GOLGA3: variants seen among roughly 807,000 people sequenced by gnomAD.
GOLGA3 encodes the protein golgin A3, also known as golgin subfamily A member 3.
GOLGA3 carries 75 observed loss-of-function variants against 169.4 expected under a neutral mutation model. The ratio of observed to expected loss-of-function variants is 0.44; its 90% CI spans 0.37 to 0.54. The LOEUF (loss-of-function observed/expected upper bound fraction) is 0.54, where lower values mean the gene tolerates loss of function less well. Among genes scored for constraint, GOLGA3 ranks in the 20% least tolerant of loss-of-function variants. The pLI is 0.00. For synonymous variants in GOLGA3, 824 were observed against 822.4 expected (o/e 1.00, Z -0.03); for missense variants, 1,899 against 1,930.0 (o/e 0.98, Z 0.30).
At chr12:132,788,655 CAA>C (rs1334862334) in intron 13 of GOLGA3, among the ~76,000 whole-genome samples, 2 of 152,194 alleles carry the variant, frequency 1.3e-5, no homozygotes, top group East Asian at 3.9e-4. Flanking sequence ...GGGGTCTCCA[CAA>C]AACACTCACC....
intron 3 of GOLGA3, among the ~76,000 whole-genome samples, chr12:132,814,087 C>T (rs1406220920): frequency 2.9e-5 from 4 of 136,122 alleles, no homozygotes; most frequent in African/African-American, 8.4e-5. Flanking sequence ...TGCAATGGTG[C>T]GATCTCGGCT....
intron 1 of GOLGA3, among the ~76,000 whole-genome samples, chr12:132,823,951 C>T (rs954046021): frequency 6.6e-5 from 10 of 152,056 alleles, no homozygotes; most frequent in African/African-American, 1.7e-4. Flanking sequence ...GGCATGGCAG[C>T]GCGTGCCTGT....
intron 1 of GOLGA3, among the ~76,000 whole-genome samples, chr12:132,824,319 T>A (rs548219175): frequency 3.4e-4 from 52 of 152,304 alleles, no homozygotes; most frequent in Non-Finnish European, 6.9e-4. Context: ...TGCTCATAAC[T>A]ATAATAATCC....
At chr12:132,773,318 A>C (rs772081477) in intron 23 of GOLGA3, 24 bp from the exon 24 acceptor site, 34 of 1,355,514 alleles carry the variant, frequency 2.5e-5, no homozygotes, top group South Asian at 1.4e-4. Context: ...AGGAGGAAGA[A>C]GGCCCAGATC....
intron 11 of GOLGA3, among the ~76,000 whole-genome samples, chr12:132,795,503 GT>G (rs1948787072): frequency 6.6e-6 from 1 of 151,978 alleles, no homozygotes; most frequent in Non-Finnish European, 1.5e-5. Flanking sequence ...GGTTCAGCCT[GT>G]AATCCCAGCA....
intron 17 of GOLGA3, among the ~76,000 whole-genome samples, chr12:132,781,283 C>T (rs564900252): frequency 2.6e-5 from 4 of 152,180 alleles, no homozygotes; most frequent in African/African-American, 9.6e-5. Context: ...AAGAATGGGC[C>T]GGGCGCGGTG....
In GOLGA3 at chr12:132,789,255, G is replaced by C; in HGVS notation, c.2583C>G (p.Ser861=). ...TCAGCTCACTGATGAGCTGGTCTTT[G>C]GAGGTGGCGTCGCGCCGGTAGGCCT... is the stretch of plus-strand genomic sequence containing the variant. ...MVEAYRRDAT[S]KDQLISELKA... The change falls in exon 13 of 24, where the codon TCC becomes TCG. Residue 861 remains serine (S), a synonymous_variant. Transcript: ENST00000450791. 6.2e-7 allele frequency: 1 copy of C among 1,605,220 alleles called. No individual in the cohort carries two copies. Among genetic ancestry groups the C allele is most frequent in the Non-Finnish European group, 8.5e-7 (1 of 1,179,270 alleles).
intron 18 of GOLGA3, among the ~76,000 whole-genome samples, chr12:132,778,063 G>C (rs1054624445): frequency 6.6e-6 from 1 of 152,234 alleles, no homozygotes; most frequent in African/African-American, 2.4e-5. Flanking sequence ...GGTCTAAATA[G>C]TTTTTATAGT....
In GOLGA3 at chr12:132,796,554, C is replaced by T; in HGVS notation, c.2085G>A (p.Glu695=). ...AGGGACTTACCTGCTCCAGCTGCTG[C>T]TCCAGGGATGCCGCCGAGTCCGCCA... ...QRMADSAASL[E]QQLEQVKLTL... Residue 695 remains glutamate, a synonymous_variant, in exon 10 of 24, where the codon GAG becomes GAA. Transcript: ENST00000450791. The T allele has an allele frequency of 6.2e-7, 1 of 1,611,316 alleles. No homozygotes were observed. The highest frequency in any genetic ancestry group is 8.5e-7 in the Non-Finnish European group (1 of 1,179,754).
At chr12:132,779,294 G>C (rs1237127368) in intron 18 of GOLGA3, among the ~76,000 whole-genome samples, 1 of 152,100 alleles carries the variant, frequency 6.6e-6, no homozygotes, top group Non-Finnish European at 1.5e-5. Context: ...GGTCAGCCTG[G>C]TCTTGAACTC....
In GOLGA3 at chr12:132,822,209, A is replaced by G; in HGVS notation, c.-81T>C. The G allele has an allele frequency of 1.3e-6, 2 of 1,512,064 alleles. No individual in the cohort carries two copies. Among genetic ancestry groups the G allele is most frequent in the East Asian group, 2.5e-5 (1 of 39,226 alleles). The allele number at this position is 1,512,064 out of a possible 1,614,324, so 93.7% of individuals were successfully genotyped here. ...AAGCTTGGCTTCTGCCATCAGCAAC[A>G]GCCAAGAGCTCCTGGGAGGGGCCCT... is the stretch of plus-strand genomic sequence containing the variant. On this transcript the variant is annotated 5_prime_UTR_variant, in exon 2 of 24. Transcript: ENST00000450791.
intron 11 of GOLGA3, 32 bp from the exon 12 acceptor site, chr12:132,791,325 G>C: frequency 2.4e-6 from 3 of 1,271,370 alleles, no homozygotes; most frequent in Non-Finnish European, 3.4e-6. Context: ...ACATTACACT[G>C]ACGGCTCCAG....
rs1405723886 is a variant in GOLGA3 at position 132,772,237 on chromosome 12, T to G, written c.*868A>C. 1.3e-5 allele frequency: 2 copies of G among 152,184 alleles called. No individual in the cohort carries two copies. Among genetic ancestry groups the G allele is most frequent in the Non-Finnish European group, 1.5e-5 (1 of 68,044 alleles). The allele number at this position is 152,184 out of a possible 1,614,324, so 9.4% of individuals were successfully genotyped here. A position where few individuals can be genotyped will look rare whatever the true frequency, so the allele number is the denominator to read the frequency against. ...AGGTTCTTCTTCAATAACATGAGCA[T>G]ATGCTTCTTAAAGACTGGGTGACAG... On this transcript the variant is annotated 3_prime_UTR_variant, in exon 24 of 24. Coordinates refer to ENST00000450791, the MANE Select transcript of GOLGA3 (RefSeq NM_001389683.1).
intron 4 of GOLGA3, among the ~76,000 whole-genome samples, chr12:132,809,099 C>A (rs543064763): frequency 1.3e-5 from 2 of 152,220 alleles, no homozygotes; most frequent in Admixed American, 6.5e-5. Context: ...ACGTGGGTCA[C>A]GTGTCCACTG....
At chr12:132,801,347 C>T (rs1316761434) in intron 8 of GOLGA3, among the ~76,000 whole-genome samples, 2 of 152,226 alleles carry the variant, frequency 1.3e-5, no homozygotes, top group Non-Finnish European at 2.9e-5. Flanking sequence ...CACCGCACGC[C>T]TGTGAGACAT....
chr12:132,782,043 C>T (rs1252806067), intron 17 of GOLGA3, among the ~76,000 whole-genome samples: 1 of 152,186 alleles, frequency 6.6e-6, no homozygotes, highest in African/African-American at 2.4e-5. Flanking sequence ...CCTGCACCAA[C>T]AGCTGGGGAC....
At chr12:132,787,577 G>GA (rs2136366330) in intron 13 of GOLGA3, among the ~76,000 whole-genome samples, 1 of 119,850 alleles carries the variant, frequency 8.3e-6, no homozygotes, top group South Asian at 2.9e-4. Context: ...TGAGACCCCG[G>GA]GACCCCTCCC....
chr12:132,813,196 G>A lies in GOLGA3; in HGVS notation c.519+111C>T, dbSNP rs1354237206. ...AATAAAATGTGCTTGTTGCCCCTGA[G>A]CCCATGGCAGCTCAGAGAAGCCAAT... is the stretch of plus-strand genomic sequence containing the variant. On this transcript the variant is annotated intron_variant, in intron 4 of 23. Coordinates refer to ENST00000450791, the MANE Select transcript of GOLGA3 (RefSeq NM_001389683.1). The A allele has an allele frequency of 3.6e-5, 26 of 717,574 alleles. 1 individual carries two copies. Among genetic ancestry groups the A allele is most frequent in the Admixed American group, 3.5e-4 (16 of 45,562 alleles). 44.5% of individuals were successfully genotyped at this position (717,574 alleles called of 1,614,324 possible). A position where few individuals can be genotyped will look rare whatever the true frequency, so the allele number is the denominator to read the frequency against.
chr12:132,828,651 G>C (rs1257360965), intron 1 of GOLGA3, 152 bp downstream of exon 1: 1 of 152,344 alleles, frequency 6.6e-6, no homozygotes, highest in Non-Finnish European at 1.5e-5. Flanking sequence ...CAGCGAGGCG[G>C]GGGTGACTGG....
Sources: allele counts gnomAD v4.1 joint callset (sites outside exome capture counted in the v4.1 genomes callset), GRCh38; gene constraint gnomAD v4.1.1; transcripts MANE v1.5; gene names NCBI Gene and HGNC (gene_info 2026-07-23, HGNC 2026-07-21).